SMC6: variants seen among roughly 807,000 people sequenced by gnomAD.
SMC6 encodes the protein structural maintenance of chromosomes protein 6.
Under a neutral mutation model 142.2 loss-of-function variants are expected in SMC6, and 79 were observed. That is an observed-to-expected ratio of 0.56 (90% CI 0.46 to 0.67). The LOEUF is 0.67. Among genes scored for constraint, SMC6 ranks in the 30% least tolerant of loss-of-function variants. The pLI is 0.00. For synonymous variants in SMC6, 411 were observed against 412.4 expected (o/e 1.00, Z 0.04); for missense variants, 1,072 against 1,284.0 (o/e 0.83, Z 2.52).
At chr2:17,694,000 C>CAAAAAAA (rs751816590) in intron 23 of SMC6, among the ~76,000 whole-genome samples, 2 of 34,500 alleles carry the variant, frequency 5.8e-5, no homozygotes, top group East Asian at 7.6e-4. Flanking sequence ...AACTCCATCT[C>CAAAAAAA]AAAAAAAAAA....
At chr2:17,737,575 A>G (rs1453342978) in intron 5 of SMC6, among the ~76,000 whole-genome samples, 1 of 152,256 alleles carries the variant, frequency 6.6e-6, no homozygotes, top group Non-Finnish European at 1.5e-5. Context: ...AAACTGGACA[A>G]TTCACATATA....
At chr2:17,729,741 T>C (rs1437159467) in intron 7 of SMC6, among the ~76,000 whole-genome samples, 1 of 152,250 alleles carries the variant, frequency 6.6e-6, no homozygotes, top group East Asian at 1.9e-4. Flanking sequence ...TTTTAAGAAT[T>C]ATTTTTCCTA....
chr2:17,741,847 T>C (rs771945400), intron 3 of SMC6, 118 bp from the exon 4 acceptor site: 5 of 590,800 alleles, frequency 8.5e-6, no homozygotes, highest in Non-Finnish European at 1.5e-5. Flanking sequence ...TTACAGAAAG[T>C]GAATAATGGT....
At chr2:17,716,354 A>T in intron 14 of SMC6, 90 bp from the exon 15 acceptor site, 2 of 1,239,654 alleles carry the variant, frequency 1.6e-6, no homozygotes, top group South Asian at 1.5e-5. Context: ...ATCCCAGTGA[A>T]CGACCCAGCT....
Position 17,725,308 on chromosome 2 carries a change from G to A in SMC6, c.675C>T (p.Tyr225=). The change falls in exon 9 of 28, where the codon TAC becomes TAT. Residue 225 remains tyrosine, a synonymous_variant. Transcript: ENST00000448223. ...TTGTTCTTTCTTTCGTTTCCATAAT[G>A]TATGAATAATCTTCCTTCATCTGTT... The part of the protein sequence containing the change: ...QLEQMKEDYS[Y]IMETKERTKE... The A allele has an allele frequency of 6.2e-7, 1 of 1,608,490 alleles. No individual in the cohort carries two copies. The highest frequency in any genetic ancestry group is 8.5e-7 in the Non-Finnish European group (1 of 1,178,718).
At chr2:17,741,591 G>T in intron 4 of SMC6, 21 bp downstream of exon 4, 3 of 1,506,436 alleles carry the variant, frequency 2.0e-6, no homozygotes, top group South Asian at 1.2e-5. Flanking sequence ...AAAGTCAAAC[G>T]AGAAGGGAAA....
At chr2:17,725,551 G>A (rs895341853) in intron 8 of SMC6, among the ~76,000 whole-genome samples, 193 bp from the exon 9 acceptor site, 4 of 152,114 alleles carry the variant, frequency 2.6e-5, no homozygotes, top group African/African-American at 9.7e-5. Context: ...AACCTACTAT[G>A]CTCACATCCA....
chr2:17,711,816 AC>A, intron 16 of SMC6, among the ~76,000 whole-genome samples: 1 of 152,230 alleles, frequency 6.6e-6, no homozygotes, highest in East Asian at 1.9e-4. Flanking sequence ...ACGGCGTTTC[AC>A]CACATTACCC....
intron 16 of SMC6, among the ~76,000 whole-genome samples, chr2:17,710,224 G>A (rs555840734): frequency 6.6e-6 from 1 of 152,292 alleles, no homozygotes; most frequent in African/African-American, 2.4e-5. Context: ...ATATATTTCT[G>A]AAGTACAGCC....
intron 9 of SMC6, among the ~76,000 whole-genome samples, chr2:17,724,688 G>A (rs1213234135): frequency 1.3e-5 from 2 of 152,162 alleles, no homozygotes; most frequent in Non-Finnish European, 2.9e-5. Flanking sequence ...GTCATGGCTG[G>A]CATGAGTGAT....
intron 2 of SMC6, among the ~76,000 whole-genome samples, chr2:17,751,159 G>A (rs1165870951): frequency 1.3e-5 from 2 of 152,020 alleles, no homozygotes; most frequent in Non-Finnish European, 2.9e-5. Flanking sequence ...TGGCAAGTAG[G>A]GAGAATGAAA....
At position 17,715,017 on chromosome 2, in the gene SMC6, G is replaced by C. The variant is rs750045170; in HGVS notation, c.1574C>G (p.Ser525Cys). Residue 525 changes from serine (S) to cysteine (C), a missense_variant, in exon 16 of 28, where the codon TCT (serine) becomes TGT (cysteine). By Grantham distance (112) the Ser-to-Cys change is moderately radical. Transcript: ENST00000448223. ...RDPELALAIE[S>C]CLKGLLQAYC... The stretch of plus-strand genomic sequence containing the variant: ...GGCCTGCAGAAGCCCTTTTAAGCAA[G>C]ATTCAATAGCCAAAGCAAGTTCTGG... 6.2e-7 allele frequency: 1 copy of C among 1,613,898 alleles called. No individual in the cohort carries two copies. The highest frequency in any genetic ancestry group is 8.5e-7 in the Non-Finnish European group (1 of 1,179,918).
intron 3 of SMC6, among the ~76,000 whole-genome samples, chr2:17,743,559 T>C (rs1342938392): frequency 6.6e-6 from 1 of 152,180 alleles, no homozygotes. Context: ...GCGTGGTACA[T>C]GTGTTACAGA....
chr2:17,706,705 T>C (rs1209670682), intron 18 of SMC6, among the ~76,000 whole-genome samples: 1 of 152,178 alleles, frequency 6.6e-6, no homozygotes, highest in Non-Finnish European at 1.5e-5. Flanking sequence ...AATCTCTTAA[T>C]AGTTTTTCGT....
chr2:17,738,129 C>A, intron 5 of SMC6, 92 bp downstream of exon 5: 1 of 909,030 alleles, frequency 1.1e-6, no homozygotes, highest in Non-Finnish European at 1.7e-6. Flanking sequence ...GAAGGCACTT[C>A]ATTTCCAGTC....
At chr2:17,692,606 G>A (rs1667784353) in intron 23 of SMC6, among the ~76,000 whole-genome samples, 1 of 152,120 alleles carries the variant, frequency 6.6e-6, no homozygotes, top group Non-Finnish European at 1.5e-5. Context: ...AAAAACCCTA[G>A]AGGAAACCCT....
intron 2 of SMC6, among the ~76,000 whole-genome samples, chr2:17,752,600 A>G (rs1296942753): frequency 6.6e-6 from 1 of 152,172 alleles, no homozygotes; most frequent in South Asian, 2.1e-4. Flanking sequence ...TTGTACTTGC[A>G]CCCATTAAGC....
chr2:17,717,850 T>A (rs1669173764), intron 12 of SMC6, among the ~76,000 whole-genome samples: 1 of 151,710 alleles, frequency 6.6e-6, no homozygotes, highest in Admixed American at 6.6e-5. Context: ...CCAGCTGTGG[T>A]GACAGATGTC....
At chr2:17,701,087 C>CA (rs1335827643) in intron 20 of SMC6, among the ~76,000 whole-genome samples, 2 of 149,318 alleles carry the variant, frequency 1.3e-5, no homozygotes, top group Non-Finnish European at 3.0e-5. Context: ...TTTAGTCTAT[C>CA]AAAAAAAGGA....
Sources: allele counts gnomAD v4.1 joint callset (sites outside exome capture counted in the v4.1 genomes callset), GRCh38; gene constraint gnomAD v4.1.1; transcripts MANE v1.5; gene names NCBI Gene and HGNC (gene_info 2026-07-23, HGNC 2026-07-21).